RAB31: variants seen among roughly 807,000 people sequenced by gnomAD.
The protein encoded by RAB31 is ras-related protein Rab-31.
RAB31 carries 21 observed loss-of-function variants against 25.6 expected under a neutral mutation model. The observed-to-expected ratio is 0.82, with a 90% CI of 0.58 to 1.18. The LOEUF (loss-of-function observed/expected upper bound fraction) is 1.18, where lower values mean the gene tolerates loss of function less well. RAB31 is among the 50% of genes most tolerant of loss of function. The pLI, the probability that RAB31 is intolerant of heterozygous loss-of-function variation, is 0.00. For missense variants in RAB31, 196 were observed against 250.1 expected (o/e 0.78, Z 1.46); for synonymous variants, 87 against 84.0 (o/e 1.04, Z -0.20).
chr18:9,742,926 G>A (rs1334862361), intron 1 of RAB31, among the ~76,000 whole-genome samples: 1 of 152,058 alleles, frequency 6.6e-6, no homozygotes, highest in Non-Finnish European at 1.5e-5. Flanking sequence ...GTCCACTAAA[G>A]CACGAATGTT....
At chr18:9,750,410 C>A in intron 1 of RAB31, among the ~76,000 whole-genome samples, 2 of 152,284 alleles carry the variant, frequency 1.3e-5, no homozygotes, top group South Asian at 4.2e-4. Flanking sequence ...AAAGGACATT[C>A]GTCTAGAAGG....
intron 5 of RAB31, among the ~76,000 whole-genome samples, chr18:9,820,707 A>G (rs2068620685): frequency 6.6e-6 from 1 of 152,074 alleles, no homozygotes; most frequent in Non-Finnish European, 1.5e-5. Flanking sequence ...GACCAATTAA[A>G]TAATACTTCT....
At chr18:9,820,820 A>G (rs971513344) in intron 5 of RAB31, among the ~76,000 whole-genome samples, 17 of 151,660 alleles carry the variant, frequency 1.1e-4, no homozygotes, top group African/African-American at 4.1e-4. Context: ...ATAGTTTGTC[A>G]GTTTTGTTGA....
chr18:9,745,948 C>T (rs754647216), intron 1 of RAB31, among the ~76,000 whole-genome samples: 4 of 152,138 alleles, frequency 2.6e-5, no homozygotes, highest in East Asian at 3.8e-4. Flanking sequence ...AAGAAGTAAA[C>T]GGCATCTGAA....
chr18:9,829,554 G>A lies in RAB31; in HGVS notation c.380+14332G>A, dbSNP rs1474471896. Among the ~76,000 whole-genome samples the A allele has an allele frequency of 3.3e-5, 5 of 152,194 alleles. No individual in the cohort carries two copies. In the East Asian group the frequency reaches 9.6e-4, roughly 29 times the overall value. On this transcript the variant is annotated intron_variant, in intron 5 of 6. Coordinates refer to ENST00000578921, the MANE Select transcript of RAB31 (RefSeq NM_006868.4). ...TGTGTAAGCATTTCTCTGGACTGGG[G>A]TAGGTAAGAGTTGAATTGCTGAGTT...
At chr18:9,805,577 A>G (rs565234442) in intron 3 of RAB31, among the ~76,000 whole-genome samples, 4 of 152,242 alleles carry the variant, frequency 2.6e-5, no homozygotes, top group African/African-American at 9.6e-5. Context: ...GATGAGCCCT[A>G]TTCCACCTCC....
At chr18:9,764,419 G>A (rs9965044) in intron 1 of RAB31, among the ~76,000 whole-genome samples, 2,679 of 152,276 alleles carry the variant, frequency 0.018, 77 homozygotes, top group African/African-American at 0.06. Flanking sequence ...CAGTGCACTG[G>A]ATATGGGGAA....
intron 1 of RAB31, among the ~76,000 whole-genome samples, chr18:9,759,552 T>A (rs2068277192): frequency 6.7e-6 from 1 of 150,234 alleles, no homozygotes; most frequent in African/African-American, 2.4e-5. Context: ...AAAAAAAAAT[T>A]ACCTGCTCAC....
chr18:9,832,594 G>A (rs1172635744), intron 5 of RAB31, among the ~76,000 whole-genome samples: 2 of 152,178 alleles, frequency 1.3e-5, no homozygotes, highest in Non-Finnish European at 2.9e-5. Flanking sequence ...CGCGAATGTC[G>A]GAGTGAAGTG....
chr18:9,762,920 A>G (rs1399978347), intron 1 of RAB31, among the ~76,000 whole-genome samples: 1 of 152,128 alleles, frequency 6.6e-6, no homozygotes, highest in African/African-American at 2.4e-5. Flanking sequence ...CTTTGCCACC[A>G]GCAGGGTAGG....
chr18:9,733,967 A>G (rs2068136608), intron 1 of RAB31, among the ~76,000 whole-genome samples: 1 of 151,832 alleles, frequency 6.6e-6, no homozygotes, highest in Non-Finnish European at 1.5e-5. Flanking sequence ...TCCCAACTGA[A>G]AAGAGGGGAG....
At chr18:9,784,141 A>T (rs998446903) in intron 2 of RAB31, among the ~76,000 whole-genome samples, 1 of 152,034 alleles carries the variant, frequency 6.6e-6, no homozygotes, top group East Asian at 1.9e-4. Flanking sequence ...GGCTCAAGGG[A>T]TCCTCCTGCA....
At chr18:9,849,250 G>A (rs1035522927) in intron 6 of RAB31, among the ~76,000 whole-genome samples, 3 of 152,156 alleles carry the variant, frequency 2.0e-5, no homozygotes, top group East Asian at 3.9e-4. Context: ...TTCTCCAAGC[G>A]TTTAGGTATG....
At chr18:9,773,012 T>C (rs1273921081) in intron 1 of RAB31, among the ~76,000 whole-genome samples, 1 of 152,170 alleles carries the variant, frequency 6.6e-6, no homozygotes, top group Non-Finnish European at 1.5e-5. Context: ...AGCTGATGTT[T>C]TGATTCTGCC....
intron 1 of RAB31, among the ~76,000 whole-genome samples, chr18:9,737,160 A>G (rs750838252): frequency 7.2e-5 from 11 of 152,218 alleles, no homozygotes; most frequent in Non-Finnish European, 1.2e-4. Flanking sequence ...GGTCAAGCCC[A>G]TAAAAATTCC....
At chr18:9,770,852 CTTTTTTTT>C (rs34745235) in intron 1 of RAB31, among the ~76,000 whole-genome samples, 7 of 128,542 alleles carry the variant, frequency 5.4e-5, no homozygotes, top group African/African-American at 2.0e-4. Flanking sequence ...AGAAATTTGA[CTTTTTTTT>C]TTTTTTTTTT....
At chr18:9,781,186 T>C (rs2068402375) in intron 2 of RAB31, among the ~76,000 whole-genome samples, 1 of 152,172 alleles carries the variant, frequency 6.6e-6, no homozygotes. Flanking sequence ...CTTTATAAAA[T>C]TGTAAAAGTT....
At chr18:9,816,708 T>G (rs916683627) in intron 5 of RAB31, among the ~76,000 whole-genome samples, 3 of 152,188 alleles carry the variant, frequency 2.0e-5, no homozygotes, top group Non-Finnish European at 4.4e-5. Flanking sequence ...TGATGATAGC[T>G]TTACCTAGCC....
At chr18:9,755,227 T>C (rs540932790) in intron 1 of RAB31, among the ~76,000 whole-genome samples, 1 of 152,358 alleles carries the variant, frequency 6.6e-6, no homozygotes, top group Non-Finnish European at 1.5e-5. Context: ...TTCATAGATA[T>C]TCATGATGTG....
Sources: gnomAD v4.1 joint callset for allele counts (sites outside exome capture counted in the v4.1 genomes callset) on GRCh38, gnomAD v4.1.1 for gene constraint, MANE v1.5 for transcripts, NCBI Gene and HGNC (gene_info 2026-07-23, HGNC 2026-07-21) for gene names.